The following PFKFB3 variants were observed in gnomAD, a reference collection of about 807,000 sequenced individuals.
The protein encoded by PFKFB3 is 6-phosphofructo-2-kinase/fructose-2,6-bisphosphatase 3.
A neutral mutation model predicts 68.0 loss-of-function variants in PFKFB3; 33 were observed. The observed-to-expected ratio is 0.49, with a 90% CI of 0.37 to 0.65. The LOEUF is 0.65. Ranked by LOEUF, PFKFB3 falls within the 30% of genes least tolerant of loss-of-function variation. The probability of loss-of-function intolerance (pLI) is 0.00; values close to 1 mark genes in which losing one functional copy is unlikely to be tolerated. For missense variants in PFKFB3, 586 were observed against 712.2 expected (o/e 0.82, Z 2.02); for synonymous variants, 315 against 288.2 (o/e 1.09, Z -0.94).
intron 1 of PFKFB3, among the ~76,000 whole-genome samples, chr10:6,209,478 T>C (rs1844013299): frequency 1.3e-5 from 2 of 152,098 alleles, no homozygotes; most frequent in Admixed American, 1.3e-4. Flanking sequence ...CAATAATTTT[T>C]TTTTTGTTTT....
Position 6,221,762 on chromosome 10 carries a change from G to A in PFKFB3, c.1083+17G>A, listed in dbSNP as rs1335338458. On this transcript the variant is annotated intron_variant, in intron 10 of 14. Coordinates refer to ENST00000379775, the MANE Select transcript of PFKFB3 (RefSeq NM_004566.4). ...ACCGGGGAGGTGAGCGCAGGCTGGGGCGGGCTGACGGTCCCCAGCACACAT... is the reference window on the plus strand; with the variant it reads ...ACCGGGGAGGTGAGCGCAGGCTGGGACGGGCTGACGGTCCCCAGCACACAT... 9 of 1,538,284 alleles carry A rather than the reference G, an allele frequency of 5.9e-6. No individual in the cohort carries two copies. The highest frequency in any genetic ancestry group is 8.0e-6 in the Non-Finnish European group (9 of 1,128,760).
chr10:6,208,535 C>T (rs574114625), intron 1 of PFKFB3, among the ~76,000 whole-genome samples: 58 of 152,134 alleles, frequency 3.8e-4, no homozygotes, highest in African/African-American at 1.3e-3. Context: ...TAGCGAGTTA[C>T]GCCGGCTGCT....
chr10:6,301,917 C>T, the PFKFB3 span, among the ~76,000 whole-genome samples: 2 of 152,196 alleles, frequency 1.3e-5, no homozygotes, highest in Non-Finnish European at 2.9e-5. Flanking sequence ...TAACCAACCT[C>T]GTAAGTTCCC....
the PFKFB3 span, among the ~76,000 whole-genome samples, chr10:6,282,844 C>G: frequency 6.6e-6 from 1 of 152,120 alleles, no homozygotes; most frequent in Non-Finnish European, 1.5e-5. Context: ...ATAGAAAGTT[C>G]CTTTGTCTTT....
At chr10:6,187,587 A>G (rs1842904970) in intron 1 of PFKFB3, among the ~76,000 whole-genome samples, 1 of 152,206 alleles carries the variant, frequency 6.6e-6, no homozygotes, top group African/African-American at 2.4e-5. Flanking sequence ...CAGCAAATGG[A>G]AAGTCAAATT....
At chr10:6,319,584 C>T in the PFKFB3 span, among the ~76,000 whole-genome samples, 1 of 152,082 alleles carries the variant, frequency 6.6e-6, no homozygotes, top group East Asian at 1.9e-4. Flanking sequence ...ACCCTAACAG[C>T]CCAGACTTCA....
At chr10:6,306,091 A>G in the PFKFB3 span, among the ~76,000 whole-genome samples, 5,410 of 152,276 alleles carry the variant, frequency 0.036, 135 homozygotes, top group Middle Eastern at 0.15. Flanking sequence ...GGCTCTTCAC[A>G]GGTGTGATCA....
chr10:6,304,418 C>T, the PFKFB3 span, among the ~76,000 whole-genome samples: 2 of 151,222 alleles, frequency 1.3e-5, no homozygotes, highest in East Asian at 1.9e-4. Context: ...CGTATCCCTT[C>T]TGCAGGCCTA....
chr10:6,168,949 C>A (rs1452290687), intron 1 of PFKFB3, among the ~76,000 whole-genome samples: 1 of 152,152 alleles, frequency 6.6e-6, no homozygotes, highest in Admixed American at 6.5e-5. Context: ...ATCTAAAAGT[C>A]CCCACTCCTT....
chr10:6,157,801 C>T (rs781152363), intron 1 of PFKFB3, among the ~76,000 whole-genome samples: 1 of 152,094 alleles, frequency 6.6e-6, no homozygotes, highest in Non-Finnish European at 1.5e-5. Flanking sequence ...ATTTCTTAAC[C>T]TTCTAAAACT....
At chr10:6,277,369 C>T in the PFKFB3 span, among the ~76,000 whole-genome samples, 2 of 151,012 alleles carry the variant, frequency 1.3e-5, no homozygotes, top group African/African-American at 4.9e-5. Flanking sequence ...TACAGGTGCA[C>T]ACCAACACGC....
intron 1 of PFKFB3, among the ~76,000 whole-genome samples, chr10:6,207,389 A>G (rs1444222701): frequency 2.6e-5 from 4 of 152,242 alleles, no homozygotes; most frequent in South Asian, 2.1e-4. Flanking sequence ...TGGCAGCAGT[A>G]CAGTCCAGCT....
intron 7 of PFKFB3, among the ~76,000 whole-genome samples, chr10:6,219,912 C>T (rs961616453): frequency 6.6e-6 from 1 of 152,096 alleles, no homozygotes; most frequent in Admixed American, 6.6e-5. Context: ...TATCAACTCT[C>T]TTTGAAAATA....
chr10:6,236,611 T>TG (rs1367807239), downstream of PFKFB3, among the ~76,000 whole-genome samples: 1 of 152,236 alleles, frequency 6.6e-6, no homozygotes, highest in Non-Finnish European at 1.5e-5. Context: ...CAGAGCGTTC[T>TG]GGGGAACCTG....
chr10:6,231,290 G>T, intron 14 of PFKFB3: 1 of 1,611,496 alleles, frequency 6.2e-7, no homozygotes, highest in Non-Finnish European at 8.5e-7. Context: ...TTTTCTCAAA[G>T]TTTTCTCCTT....
chr10:6,251,737 G>A (rs1373906831), intron 14 of PFKFB3, among the ~76,000 whole-genome samples: 5 of 152,180 alleles, frequency 3.3e-5, no homozygotes, highest in African/African-American at 7.2e-5. Context: ...TTGGGAGGCC[G>A]AGGAGGGTGG....
At chr10:6,181,747 A>G (rs1216471337) in intron 1 of PFKFB3, among the ~76,000 whole-genome samples, 1 of 150,776 alleles carries the variant, frequency 6.6e-6, no homozygotes, top group African/African-American at 2.4e-5. Context: ...GCAGTGAGCC[A>G]AGATTGTGCC....
chr10:6,217,094 G>C, intron 5 of PFKFB3, 41 bp from the exon 6 acceptor site: 1 of 1,597,950 alleles, frequency 6.3e-7, no homozygotes. Context: ...TTGATCCTTC[G>C]TGGTGTTTGT....
chr10:6,312,794 A>G, the PFKFB3 span, among the ~76,000 whole-genome samples: 1 of 152,200 alleles, frequency 6.6e-6, no homozygotes, highest in Non-Finnish European at 1.5e-5. Context: ...CAACTTAGCT[A>G]TACGCCCTGG....
Sources: gnomAD v4.1 joint callset for allele counts (sites outside exome capture counted in the v4.1 genomes callset) on GRCh38, gnomAD v4.1.1 for gene constraint, MANE v1.5 for transcripts, NCBI Gene and HGNC (gene_info 2026-07-23, HGNC 2026-07-21) for gene names.